Variants in SLC4A10 observed in about 807,000 individuals in gnomAD.
SLC4A10 encodes the protein solute carrier family 4 member 10.
In SLC4A10, 42 loss-of-function variants were observed where a neutral mutation model predicts 137.7. The observed-to-expected ratio is 0.30, with a 90% confidence interval of 0.24 to 0.39. The LOEUF (loss-of-function observed/expected upper bound fraction) is 0.39. SLC4A10 is among the 10% of genes least tolerant of loss of function. The pLI, the probability that SLC4A10 is intolerant of heterozygous loss-of-function variation, is 1.00. For synonymous variants in SLC4A10, 474 were observed against 464.1 expected, an observed-to-expected ratio of 1.02 and a Z score of -0.27; for missense variants, 925 against 1,355.0, an observed-to-expected ratio of 0.68 and a Z score of 4.98.
intron 15 of SLC4A10, among the ~76,000 whole-genome samples, chr2:161,933,899 G>A (rs184630421): frequency 5.3e-5 from 8 of 152,162 alleles, no homozygotes; most frequent in East Asian, 3.9e-4. Context: ...AAGAAACTCC[G>A]TACTGTTTTC....
Position 161,784,925 on chromosome 2 carries a change from A to G in SLC4A10, c.130+13871A>G, listed in dbSNP as rs114915368. ...AGAGCAGAAATAAACAAAATAGATA[A>G]TAGAAAACAATAGGAAAAAATCAAT... On this transcript the variant is annotated intron_variant, in intron 2 of 26. Coordinates refer to ENST00000446997, the MANE Select transcript of SLC4A10 (RefSeq NM_001178015.2). 8.7e-3 allele frequency among the ~76,000 whole-genome samples: 1,314 copies of G among 151,624 alleles called. 17 individuals are homozygous for G. Among genetic ancestry groups the G allele is most frequent in the African/African-American group, 0.03 (1,242 of 41,508 alleles).
At chr2:161,967,630 T>A (rs1323710352) in intron 23 of SLC4A10, among the ~76,000 whole-genome samples, 1 of 152,152 alleles carries the variant, frequency 6.6e-6, no homozygotes, top group Non-Finnish European at 1.5e-5. Context: ...CACCAGAAAT[T>A]TGGTAATTCA....
intron 16 of SLC4A10, among the ~76,000 whole-genome samples, chr2:161,944,545 A>C (rs1366103917): frequency 6.6e-6 from 1 of 151,746 alleles, no homozygotes; most frequent in Non-Finnish European, 1.5e-5. Context: ...AATAGTGAAA[A>C]ATATTTTGCA....
intron 1 of SLC4A10, among the ~76,000 whole-genome samples, chr2:161,654,829 T>C (rs1003220274): frequency 1.3e-5 from 2 of 152,208 alleles, no homozygotes; most frequent in African/African-American, 4.8e-5. Flanking sequence ...AGTTTTGCTC[T>C]TTTTTCTCAA....
chr2:161,719,752 T>TGTTG (rs2045409887), intron 1 of SLC4A10, among the ~76,000 whole-genome samples: 1 of 152,020 alleles, frequency 6.6e-6, no homozygotes, highest in Non-Finnish European at 1.5e-5. Flanking sequence ...TGGGGTTGTT[T>TGTTG]TTTTCTTGTA....
At chr2:161,838,800 A>C (rs2125784665) in intron 3 of SLC4A10, among the ~76,000 whole-genome samples, 1 of 152,334 alleles carries the variant, frequency 6.6e-6, no homozygotes, top group African/African-American at 2.4e-5. Context: ...GCTACAAAAC[A>C]ACTGATAATA....
chr2:161,836,573 A>G (rs2058809223), intron 3 of SLC4A10, among the ~76,000 whole-genome samples: 9 of 133,268 alleles, frequency 6.8e-5, no homozygotes, highest in Non-Finnish European at 8.0e-5. Flanking sequence ...AGAAAGAAAG[A>G]AAGAAAGAAA....
At chr2:161,630,931 G>T (rs932067966) in intron 1 of SLC4A10, among the ~76,000 whole-genome samples, 6 of 151,518 alleles carry the variant, frequency 4.0e-5, no homozygotes, top group Admixed American at 2.0e-4. Flanking sequence ...CTCCCTTAAC[G>T]CTAATTAAAC....
At chr2:161,825,636 A>C (rs1298214741) in intron 3 of SLC4A10, among the ~76,000 whole-genome samples, 3 of 152,160 alleles carry the variant, frequency 2.0e-5, no homozygotes, top group African/African-American at 7.2e-5. Flanking sequence ...TATGATTCAC[A>C]GAAGACACAC....
rs151101845 is a variant in SLC4A10, at chr2:161,675,632, C to T, written c.48+51066C>T. Among the ~76,000 whole-genome samples the T allele has an allele frequency of 6.4e-4, 98 of 152,152 alleles. 1 individual carries two copies. Among genetic ancestry groups the T allele is most frequent in the African/African-American group, 2.3e-3 (95 of 41,516 alleles). On this transcript the variant is annotated intron_variant, in intron 1 of 26. Transcript: ENST00000446997. ...CTCATGCTGTAAAATAAGAGGACTACTAGATCTTTTTAATGCTCCTATTAA... is the reference window on the plus strand; with the variant it reads ...CTCATGCTGTAAAATAAGAGGACTATTAGATCTTTTTAATGCTCCTATTAA...
intron 1 of SLC4A10, among the ~76,000 whole-genome samples, chr2:161,660,627 C>CCTT (rs2038233211): frequency 1.7e-5 from 1 of 59,340 alleles, no homozygotes; most frequent in Non-Finnish European, 3.5e-5. Context: ...TTTCTTTCTT[C>CCTT]CTTTCCTTCT....
chr2:161,919,104 G>A (rs1687668379), intron 15 of SLC4A10, among the ~76,000 whole-genome samples: 1 of 152,158 alleles, frequency 6.6e-6, no homozygotes, highest in Admixed American at 6.5e-5. Context: ...TTGCAACCTG[G>A]CCAGGTGTGC....
intron 4 of SLC4A10, among the ~76,000 whole-genome samples, chr2:161,849,440 G>A (rs1166970362): frequency 6.6e-6 from 1 of 152,010 alleles, no homozygotes; most frequent in Non-Finnish European, 1.5e-5. Context: ...GACTTATGTT[G>A]AATAAGAATG....
intron 19 of SLC4A10, among the ~76,000 whole-genome samples, chr2:161,952,280 A>G (rs1694940157): frequency 6.6e-6 from 1 of 152,108 alleles, no homozygotes; most frequent in Admixed American, 6.6e-5. Flanking sequence ...CAACCTTATA[A>G]ATCACATGAC....
intron 19 of SLC4A10, among the ~76,000 whole-genome samples, chr2:161,952,673 T>C (rs1262635516): frequency 6.6e-6 from 1 of 152,232 alleles, no homozygotes; most frequent in Non-Finnish European, 1.5e-5. Flanking sequence ...TTGGCCACTG[T>C]GAATCTGAAC....
chr2:161,752,039 G>A (rs1269005042), intron 1 of SLC4A10, among the ~76,000 whole-genome samples: 1 of 151,892 alleles, frequency 6.6e-6, no homozygotes, highest in African/African-American at 2.4e-5. Flanking sequence ...ACCCATTAAA[G>A]TGGAAACCTT....
At chr2:161,749,148 T>C (rs1287312992) in intron 1 of SLC4A10, among the ~76,000 whole-genome samples, 2 of 152,090 alleles carry the variant, frequency 1.3e-5, no homozygotes, top group Non-Finnish European at 2.9e-5. Context: ...CTTTACTGAT[T>C]TCATTTAGTC....
chr2:161,956,455 C>T (rs1021277846), intron 19 of SLC4A10, among the ~76,000 whole-genome samples: 3 of 152,132 alleles, frequency 2.0e-5, no homozygotes, highest in South Asian at 2.1e-4. Context: ...CTCTACACTT[C>T]GATTCCTGCA....
At chr2:161,719,881 A>G (rs2045426804) in intron 1 of SLC4A10, among the ~76,000 whole-genome samples, 3 of 152,136 alleles carry the variant, frequency 2.0e-5, no homozygotes, top group Non-Finnish European at 2.9e-5. Context: ...TTTGCTGTGC[A>G]GAAGCTCTTT....
Sources: gnomAD v4.1 joint callset for allele counts (sites outside exome capture counted in the v4.1 genomes callset) on GRCh38, gnomAD v4.1.1 for gene constraint, MANE v1.5 for transcripts, NCBI Gene and HGNC (gene_info 2026-07-23, HGNC 2026-07-21) for gene names.